The following SMAD9 variants were observed in gnomAD, a reference collection of about 807,000 sequenced individuals.
SMAD9 encodes the protein MAD homolog 9.
SMAD9 carries 36 observed loss-of-function variants against 46.1 expected under a neutral mutation model. The observed-to-expected ratio is 0.78, with a 90% CI of 0.60 to 1.03. The LOEUF is 1.03. Among genes scored for constraint, SMAD9 ranks in the 50% least tolerant of loss-of-function variants. The pLI is 0.00. For missense variants in SMAD9, 572 were observed against 599.8 expected, an observed-to-expected ratio of 0.95 and a Z score of 0.48; for synonymous variants, 245 against 237.1, an observed-to-expected ratio of 1.03 and a Z score of -0.31.
rs756732451 is a variant in SMAD9 at position 36,848,695 on chromosome 13, G to C, written c.1385C>G (p.Pro462Arg). The change falls in exon 7 of 7, where the codon CCC becomes CGC. Residue 462 changes from proline to arginine, a missense_variant. Transcript: ENST00000379826. ...VLTQMGSPHNPISSVS is the reference protein window; with the variant it reads ...VLTQMGSPHNRISSVS ...TGACTGTTAAGACACTGAAGAAATG[G>C]GGTTATGTGGAGAGCCCATCTGAGT... 6.2e-7 allele frequency: 1 copy of C among 1,614,174 alleles called. No individual in the cohort carries two copies. The highest frequency in any genetic ancestry group is 8.5e-7 in the Non-Finnish European group (1 of 1,180,006).
intron 1 of SMAD9, among the ~76,000 whole-genome samples, chr13:36,886,215 A>G (rs2058443468): frequency 6.6e-6 from 1 of 152,238 alleles, no homozygotes; most frequent in Admixed American, 6.5e-5. Flanking sequence ...AGACCCCTGC[A>G]GTTTGGCTCC....
chr13:36,910,151 C>T (rs532491480), intron 1 of SMAD9, among the ~76,000 whole-genome samples: 5 of 151,512 alleles, frequency 3.3e-5, no homozygotes, highest in South Asian at 4.2e-4. Flanking sequence ...GAGCCGAGAT[C>T]GCGCCACTGT....
intron 5 of SMAD9, among the ~76,000 whole-genome samples, chr13:36,858,212 A>G (rs757567310): frequency 1.4e-4 from 21 of 152,190 alleles, no homozygotes; most frequent in Non-Finnish European, 2.6e-4. Context: ...GTGGTAAAAA[A>G]AAATACTAAT....
At chr13:36,878,519 G>A (rs2058368929) in intron 2 of SMAD9, among the ~76,000 whole-genome samples, 1 of 152,156 alleles carries the variant, frequency 6.6e-6, no homozygotes, top group African/African-American at 2.4e-5. Context: ...ATTACTTACT[G>A]ATGCATTTCT....
chr13:36,885,805 G>T (rs2058440205), intron 1 of SMAD9, among the ~76,000 whole-genome samples: 1 of 151,802 alleles, frequency 6.6e-6, no homozygotes, highest in South Asian at 2.1e-4. Context: ...ACAGTCCATA[G>T]GTATTCTTCT....
chr13:36,919,575 A>G (rs1301380781), intron 1 of SMAD9, among the ~76,000 whole-genome samples: 1 of 151,994 alleles, frequency 6.6e-6, no homozygotes, highest in Non-Finnish European at 1.5e-5. Flanking sequence ...AAGAGTCACA[A>G]TGACGACCCC....
chr13:36,867,459 G>T, intron 3 of SMAD9, 76 bp from the exon 4 acceptor site: 1 of 955,886 alleles, frequency 1.0e-6, no homozygotes, highest in Non-Finnish European at 1.6e-6. Flanking sequence ...GACATCTTTT[G>T]CCATTAAACT....
chr13:36,885,255 T>G (rs1216082706), intron 1 of SMAD9, among the ~76,000 whole-genome samples: 1 of 152,192 alleles, frequency 6.6e-6, no homozygotes, highest in Non-Finnish European at 1.5e-5. Flanking sequence ...TATTTATACT[T>G]TACACACAAG....
intron 2 of SMAD9, 56 bp from the exon 3 acceptor site, chr13:36,872,971 A>T: frequency 6.3e-7 from 1 of 1,585,012 alleles, no homozygotes; most frequent in Non-Finnish European, 8.7e-7. Flanking sequence ...TCAGTACACA[A>T]CAGAGTGGAT....
intron 1 of SMAD9, among the ~76,000 whole-genome samples, chr13:36,911,615 T>TGGGGGGGGG (rs11322701): frequency 3.6e-5 from 3 of 84,334 alleles, no homozygotes; most frequent in Non-Finnish European, 2.8e-5. Flanking sequence ...AAAGGCTGCC[T>TGGGGGGGGG]GGGGGGGGGG....
intron 5 of SMAD9, among the ~76,000 whole-genome samples, chr13:36,862,714 A>G (rs1308156564): frequency 6.6e-6 from 1 of 152,124 alleles, no homozygotes; most frequent in Non-Finnish European, 1.5e-5. Context: ...AGTTTACTCT[A>G]TGGACTCACC....
intron 5 of SMAD9, among the ~76,000 whole-genome samples, chr13:36,855,090 G>A (rs1181213155): frequency 2.0e-5 from 3 of 151,720 alleles, no homozygotes; most frequent in Non-Finnish European, 4.4e-5. Context: ...GTCTGGCCTG[G>A]CCAACATGGT....
intron 5 of SMAD9, 130 bp from the exon 6 acceptor site, chr13:36,853,805 G>C: frequency 1.1e-6 from 1 of 896,384 alleles, no homozygotes; most frequent in South Asian, 1.4e-5. Flanking sequence ...TGAATGAGAT[G>C]TGTGACCTAA....
At chr13:36,877,494 G>A (rs1237555062) in intron 2 of SMAD9, among the ~76,000 whole-genome samples, 1 of 145,660 alleles carries the variant, frequency 6.9e-6, no homozygotes, top group Non-Finnish European at 1.5e-5. Flanking sequence ...TATTCAGGAA[G>A]ACAGAAATGA....
chr13:36,915,608 T>G (rs1333147542), intron 1 of SMAD9, among the ~76,000 whole-genome samples: 1 of 152,170 alleles, frequency 6.6e-6, no homozygotes, highest in African/African-American at 2.4e-5. Context: ...TTGGAAATTG[T>G]CATTATAGGA....
At chr13:36,907,256 T>C (rs1291078245) in intron 1 of SMAD9, among the ~76,000 whole-genome samples, 1 of 152,134 alleles carries the variant, frequency 6.6e-6, no homozygotes, top group African/African-American at 2.4e-5. Context: ...ATGGGGACTA[T>C]TGTTTAAATG....
intron 1 of SMAD9, among the ~76,000 whole-genome samples, chr13:36,897,029 T>C (rs939930985): frequency 6.6e-6 from 1 of 152,096 alleles, no homozygotes; most frequent in African/African-American, 2.4e-5. Context: ...TGAGCTGGTT[T>C]TCAACAGCTT....
Position 36,910,316 on chromosome 13 carries a change from A to T in SMAD9, c.-187+9800T>A, listed in dbSNP as rs1216564858. On this transcript the variant is annotated intron_variant, in intron 1 of 6. Coordinates refer to ENST00000379826, the MANE Select transcript of SMAD9 (RefSeq NM_001127217.3). ...ATGGAACCATAGTGAATATGAGAAG[A>T]GGGAGGGATGAAAACACAGACCACA... 2.6e-5 allele frequency among the ~76,000 whole-genome samples: 4 copies of T among 152,300 alleles called. No individual in the cohort carries two copies. In the East Asian group the frequency reaches 7.7e-4, roughly 29 times the overall value.
chr13:36,877,360 CAA>C (rs1383252004), intron 2 of SMAD9, among the ~76,000 whole-genome samples: 1 of 152,096 alleles, frequency 6.6e-6, no homozygotes, highest in Non-Finnish European at 1.5e-5. Flanking sequence ...GACAAAAAAA[CAA>C]AAGACATGAA....
Sources: gnomAD v4.1 joint callset for allele counts (sites outside exome capture counted in the v4.1 genomes callset) on GRCh38, gnomAD v4.1.1 for gene constraint, MANE v1.5 for transcripts, NCBI Gene and HGNC (gene_info 2026-07-23, HGNC 2026-07-21) for gene names.